The following DYNC2I2 variants were observed in gnomAD, a reference collection of about 807,000 sequenced individuals.
DYNC2I2 encodes cytoplasmic dynein 2 intermediate chain 2.
DYNC2I2 carries 39 observed loss-of-function variants against 52.0 expected under a neutral mutation model. The ratio of observed to expected loss-of-function variants is 0.75; its 90% CI spans 0.58 to 0.98. The LOEUF (loss-of-function observed/expected upper bound fraction) is 0.98, where lower values mean the gene tolerates loss of function less well. DYNC2I2 is among the 50% of genes least tolerant of loss of function. The pLI, the probability that DYNC2I2 is intolerant of heterozygous loss-of-function variation, is 0.00. For synonymous variants in DYNC2I2, 359 were observed against 321.1 expected (o/e 1.12, Z -1.26); for missense variants, 743 against 728.4 (o/e 1.02, Z -0.23).
chr9:128,635,378 A>G lies in DYNC2I2; in HGVS notation c.814-119T>C, dbSNP rs73669956. The G allele has an allele frequency of 5.5e-3, 7,010 of 1,282,446 alleles. 171 individuals carry two copies. The highest frequency in any genetic ancestry group is 0.054 in the East Asian group (2,131 of 39,422). 79.4% of individuals were successfully genotyped at this position (1,282,446 alleles called of 1,614,324 possible). ...AAAAAATTCTCCGGGAGGCCCCAGA[A>G]CCAGGCTCACCCACCAGGGGGCAGG... On this transcript the variant is annotated intron_variant, in intron 5 of 8. Transcript: ENST00000372715.
intron 1 of DYNC2I2, among the ~76,000 whole-genome samples, chr9:128,645,280 G>C (rs1860593569): frequency 6.6e-6 from 1 of 152,060 alleles, no homozygotes; most frequent in Admixed American, 6.6e-5. Flanking sequence ...CGGATCGCCT[G>C]AGGTCAGGAG....
upstream of DYNC2I2, among the ~76,000 whole-genome samples, chr9:128,659,193 A>G (rs1860888800): frequency 6.6e-6 from 1 of 151,790 alleles, no homozygotes; most frequent in Non-Finnish European, 1.5e-5. Context: ...TCAAATGTAG[A>G]CTGAAGAAAA....
At chr9:128,652,510 G>A (rs1860736931) in intron 1 of DYNC2I2, among the ~76,000 whole-genome samples, 2 of 150,266 alleles carry the variant, frequency 1.3e-5, no homozygotes, top group Admixed American at 1.3e-4. Flanking sequence ...GTACTCCTAG[G>A]TACTCAGGAG....
intron 4 of DYNC2I2, chr9:128,636,075 C>T (rs1200058245): frequency 8.0e-6 from 7 of 874,798 alleles, no homozygotes; most frequent in African/African-American, 3.4e-5. Context: ...GTCCTGGCCC[C>T]GACCCTGGCC....
the DYNC2I2 span, among the ~76,000 whole-genome samples, chr9:128,666,337 G>A: frequency 3.4e-5 from 5 of 147,314 alleles, no homozygotes; most frequent in African/African-American, 7.6e-5. Context: ...AACCAAGATC[G>A]TGCCACTGCT....
upstream of DYNC2I2, among the ~76,000 whole-genome samples, chr9:128,657,340 C>T (rs1860851832): frequency 6.6e-6 from 1 of 152,046 alleles, no homozygotes; most frequent in Non-Finnish European, 1.5e-5. Context: ...AATAATGTGC[C>T]TACTGTGTGT....
chr9:128,640,062 C>T (rs1235844194), intron 2 of DYNC2I2, among the ~76,000 whole-genome samples: 1 of 136,260 alleles, frequency 7.3e-6, no homozygotes, highest in Non-Finnish European at 1.5e-5. Flanking sequence ...GGCTGGAGTG[C>T]AGTGGCGTGA....
chr9:128,634,814 G>T lies in DYNC2I2; in HGVS notation c.1089C>A (p.Ser363=). 1 of 1,613,254 alleles carries T rather than the reference G, an allele frequency of 6.2e-7. No homozygotes were observed. The part of the protein sequence containing the change: ...GTEGGFPLKC[S]LAAGEAALTR... ...TGAGGGCTGCCTCTCCAGCTGCCAGGGAACACTTGAGCGGGAAGCCGCCTT... is the reference window on the plus strand; with the variant it reads ...TGAGGGCTGCCTCTCCAGCTGCCAGTGAACACTTGAGCGGGAAGCCGCCTT... Residue 363 remains serine (S), a synonymous_variant, in exon 7 of 9, where the codon TCC becomes TCA. Transcript: ENST00000372715.
At chr9:128,676,179 A>G in the DYNC2I2 span, among the ~76,000 whole-genome samples, 1 of 152,078 alleles carries the variant, frequency 6.6e-6, no homozygotes, top group African/African-American at 2.4e-5. Context: ...ATTTAAAAAT[A>G]AAGAAAAAAT....
rs747943057 is a variant in DYNC2I2, at chr9:128,640,792, G to T, written c.334C>A (p.Leu112Ile). 4.3e-6 allele frequency: 7 copies of T among 1,614,096 alleles called. No homozygotes were observed. The highest frequency in any genetic ancestry group is 5.9e-6 in the Non-Finnish European group (7 of 1,180,052). ...QYDIPRLAAF[L>I]RRVEAMVIRE... Reference sequence around the variant, plus strand: ...ATGACCATGGCCTCCACTCTCCGAAGAAAGGCTGCGAGCCTGGGTATGTCA... The same window carrying T: ...ATGACCATGGCCTCCACTCTCCGAATAAAGGCTGCGAGCCTGGGTATGTCA... Residue 112 changes from leucine to isoleucine, a missense_variant, in exon 2 of 9, where the codon CTT becomes ATT. Physicochemically the swap from Leu to Ile is conservative, Grantham distance 5 (BLOSUM62 2). Coordinates refer to ENST00000372715, the MANE Select transcript of DYNC2I2 (RefSeq NM_052844.4).
chr9:128,677,289 G>A, the DYNC2I2 span, among the ~76,000 whole-genome samples: 1,083 of 151,060 alleles, frequency 7.2e-3, 16 homozygotes, highest in East Asian at 0.053. Flanking sequence ...TTCGAGACTA[G>A]CCTATCCAAC....
chr9:128,666,432 A>G, the DYNC2I2 span, among the ~76,000 whole-genome samples: 1 of 151,698 alleles, frequency 6.6e-6, no homozygotes, highest in Non-Finnish European at 1.5e-5. Context: ...TCATACTACA[A>G]AATTAATTCA....
rs201715229 is a variant in DYNC2I2, at chr9:128,656,662, G to A, written c.65C>T (p.Ala22Val). Residue 22 changes from alanine to valine, a missense_variant, in exon 1 of 9, where the codon GCG becomes GTG. By Grantham distance (64) the Ala-to-Val change is moderately conservative (BLOSUM62 0). Coordinates refer to ENST00000372715, the MANE Select transcript of DYNC2I2 (RefSeq NM_052844.4). ...QAGSAGVAAL[A>V]TVGVASGPGP... is the part of the protein sequence containing the mutation. ...CGGGCCGCTCGCAACCCCGACTGTC[G>A]CCAGCGCCGCAACACCAGCGCTTCC... The A allele has an allele frequency of 3.1e-3, 4,754 of 1,509,876 alleles. 19 individuals carry two copies. Among genetic ancestry groups the A allele is most frequent in the Middle Eastern group, 0.013 (65 of 4,902 alleles). The allele number at this position is 1,509,876 out of a possible 1,614,324, so 93.5% of individuals were successfully genotyped here.
intron 7 of DYNC2I2, 115 bp from the exon 8 acceptor site, chr9:128,634,498 C>T: frequency 4.2e-6 from 6 of 1,412,230 alleles, no homozygotes; most frequent in Non-Finnish European, 4.7e-6. Context: ...CTCCCGGGTC[C>T]CTCAGCCTGG....
the DYNC2I2 span, among the ~76,000 whole-genome samples, chr9:128,666,953 C>T: frequency 6.6e-6 from 1 of 151,862 alleles, no homozygotes; most frequent in Non-Finnish European, 1.5e-5. Flanking sequence ...GTAATTCCAG[C>T]ACTTTGGGAA....
chr9:128,674,217 G>C, the DYNC2I2 span, among the ~76,000 whole-genome samples: 1 of 151,500 alleles, frequency 6.6e-6, no homozygotes, highest in African/African-American at 2.4e-5. Flanking sequence ...CTCACTGCAA[G>C]CTCCAACTCC....
At chr9:128,665,765 G>C in the DYNC2I2 span, among the ~76,000 whole-genome samples, 1 of 86,608 alleles carries the variant, frequency 1.2e-5, no homozygotes, top group Admixed American at 1.8e-4. Flanking sequence ...GTGAGACTCT[G>C]TGTCAAAAAA....
intron 2 of DYNC2I2, among the ~76,000 whole-genome samples, chr9:128,639,740 A>G (rs1396310256): frequency 6.6e-6 from 1 of 152,004 alleles, no homozygotes; most frequent in African/African-American, 2.4e-5. Context: ...GTCTCAGCTC[A>G]CTGCAAGCTC....
In DYNC2I2 at chr9:128,635,913, G is replaced by A. The variant is rs1860400196; in HGVS notation, c.704-146C>T. 6 of 758,468 alleles carry A rather than the reference G, an allele frequency of 7.9e-6. No homozygotes were observed. The East Asian group carries it at 1.6e-4, about 20-fold the overall frequency. 47.0% of individuals were successfully genotyped at this position (758,468 alleles called of 1,614,324 possible). A position where few individuals can be genotyped will look rare whatever the true frequency, so the allele number is the denominator to read the frequency against. On this transcript the variant is annotated intron_variant, in intron 4 of 8. Transcript: ENST00000372715. Reference sequence around the variant, plus strand: ...GCTGGAAGTCATCCCCACAGAGGGAGAGTCCTAGCCCCCAGCTCCCCTGTT... The same window carrying A: ...GCTGGAAGTCATCCCCACAGAGGGAAAGTCCTAGCCCCCAGCTCCCCTGTT...
Sources: allele counts gnomAD v4.1 joint callset (sites outside exome capture counted in the v4.1 genomes callset), GRCh38; gene constraint gnomAD v4.1.1; transcripts MANE v1.5; gene names NCBI Gene and HGNC (gene_info 2026-07-23, HGNC 2026-07-21).